The following ADGRF5 variants were observed in gnomAD, a reference collection of about 807,000 sequenced individuals.
ADGRF5 encodes G-protein coupled receptor 116.
A neutral mutation model predicts 132.3 loss-of-function variants in ADGRF5; 75 were observed. The observed-to-expected ratio is 0.57, with a 90% CI of 0.47 to 0.69. The LOEUF (loss-of-function observed/expected upper bound fraction) is 0.69. ADGRF5 is among the 30% of genes least tolerant of loss of function. The probability of loss-of-function intolerance (pLI) is 0.00; values close to 1 mark genes in which losing one functional copy is unlikely to be tolerated. For missense variants in ADGRF5, 1,516 were observed against 1,630.6 expected (o/e 0.93, Z 1.21); for synonymous variants, 629 against 597.6 (o/e 1.05, Z -0.77).
chr6:46,899,758 G>A (rs1392619665), intron 3 of ADGRF5, among the ~76,000 whole-genome samples: 1 of 151,864 alleles, frequency 6.6e-6, no homozygotes, highest in Non-Finnish European at 1.5e-5. Context: ...GAGGGCAGCT[G>A]AGGAGGGAGC....
Position 46,878,372 on chromosome 6 carries a change from A to G in ADGRF5, c.1070T>C (p.Phe357Ser), listed in dbSNP as rs1312628961. 2 of 1,610,942 alleles carry G rather than the reference A, an allele frequency of 1.2e-6. No individual in the cohort carries two copies. Among genetic ancestry groups the G allele is most frequent in the African/African-American group, 1.3e-5 (1 of 74,858 alleles). ...TATTTTCTTCTTGCACTCATATTCA[A>G]AAATGTCTAATATCAGTTTGCAAAC... ...EYVCKLILDIFEYECKKKIDV... is the reference protein window; with the variant it reads ...EYVCKLILDISEYECKKKIDV... The change falls in exon 10 of 21, where the codon TTT (phenylalanine) becomes TCT (serine). Residue 357 changes from phenylalanine to serine, a missense_variant. Coordinates refer to ENST00000283296, the MANE Select transcript of ADGRF5 (RefSeq NM_001098518.2).
chr6:46,865,028 T>TA lies in ADGRF5; in HGVS notation c.1990+13dup. On this transcript the variant is annotated intron_variant, in intron 14 of 20. Transcript: ENST00000283296. ...CTGACTATAACATCTTAAAGTAATTTAAAACGTTCTTACCAGGAACCAGAT... is the reference window on the plus strand; with the variant it reads ...CTGACTATAACATCTTAAAGTAATTTAAAAACGTTCTTACCAGGAACCAGAT... 1 of 1,565,774 alleles carries TA rather than the reference T, an allele frequency of 6.4e-7. No homozygotes were observed. The highest frequency in any genetic ancestry group is 1.2e-5 in the South Asian group (1 of 86,844).
intron 3 of ADGRF5, among the ~76,000 whole-genome samples, chr6:46,892,409 T>G (rs747244431): frequency 6.6e-6 from 1 of 152,124 alleles, no homozygotes; most frequent in Non-Finnish European, 1.5e-5. Flanking sequence ...AATCAAAGAA[T>G]TATGTAAGCC....
intron 1 of ADGRF5, among the ~76,000 whole-genome samples, chr6:46,954,446 A>G (rs78056549): frequency 6.6e-6 from 1 of 152,124 alleles, no homozygotes; most frequent in South Asian, 2.1e-4. Flanking sequence ...AAAAAAAAAA[A>G]AAAACTACTT....
chr6:46,948,457 C>G (rs2113843341), intron 1 of ADGRF5, among the ~76,000 whole-genome samples: 1 of 149,058 alleles, frequency 6.7e-6, no homozygotes, highest in African/African-American at 2.5e-5. Context: ...ATTCAGGTAT[C>G]TGATACTTGC....
At chr6:46,898,502 G>C (rs914535590) in intron 3 of ADGRF5, among the ~76,000 whole-genome samples, 13 of 152,256 alleles carry the variant, frequency 8.5e-5, no homozygotes, top group African/African-American at 3.1e-4. Context: ...GGGAGAAAGG[G>C]AGCATGGGAT....
At position 46,872,145 on chromosome 6, in the gene ADGRF5, G is replaced by A. The variant is rs951139520; in HGVS notation, c.1241-132C>T. ...GATTTCTTCTCTGAATGGAGAAGTTGGGTTTATGGTGATTAGGTCTGCAGA... is the reference window on the plus strand; with the variant it reads ...GATTTCTTCTCTGAATGGAGAAGTTAGGTTTATGGTGATTAGGTCTGCAGA... On this transcript the variant is annotated intron_variant, in intron 10 of 20. Transcript: ENST00000283296. 153 of 632,474 alleles carry A rather than the reference G, an allele frequency of 2.4e-4. No individual in the cohort carries two copies. In the African/African-American group the frequency reaches 2.6e-3, roughly 11 times the overall value. The allele number at this position is 632,474 out of a possible 1,614,324, so 39.2% of individuals were successfully genotyped here.
chr6:46,872,372 C>A (rs886770154), intron 10 of ADGRF5, among the ~76,000 whole-genome samples: 1 of 152,100 alleles, frequency 6.6e-6, no homozygotes, highest in African/African-American at 2.4e-5. Context: ...CTGACTGGGG[C>A]CTTCCCCAAC....
Position 46,884,248 on chromosome 6 carries a change from T to C in ADGRF5, c.352A>G (p.Ile118Val). 4 of 1,613,816 alleles carry C rather than the reference T, an allele frequency of 2.5e-6. No individual in the cohort carries two copies. Among genetic ancestry groups the C allele is most frequent in the Non-Finnish European group, 3.4e-6 (4 of 1,179,742 alleles). ...TTVCRPAGNE[I>V]WCSCETGYGW... ...TAACCTGTCTCGCAGGAGCACCAGA[T>C]TTCATTTCCAGCAGGTCTGCAGACT... is the stretch of plus-strand genomic sequence containing the variant. Residue 118 changes from isoleucine (I) to valine (V), a missense_variant, in exon 5 of 21, where the codon ATC becomes GTC. Coordinates refer to ENST00000283296, the MANE Select transcript of ADGRF5 (RefSeq NM_001098518.2).
intron 2 of ADGRF5, among the ~76,000 whole-genome samples, chr6:46,900,473 T>TG (rs1774638697): frequency 1.3e-5 from 2 of 152,168 alleles, no homozygotes; most frequent in African/African-American, 4.8e-5. Flanking sequence ...TCTCACGACC[T>TG]CCTTCTCAAC....
chr6:46,889,016 C>T (rs779627303), intron 3 of ADGRF5, among the ~76,000 whole-genome samples: 19 of 151,866 alleles, frequency 1.3e-4, no homozygotes, highest in Admixed American at 2.6e-4. Context: ...AGGTGCTCAA[C>T]AAAAGTTTGG....
chr6:46,892,707 G>A (rs745623466), intron 3 of ADGRF5, among the ~76,000 whole-genome samples: 12 of 152,050 alleles, frequency 7.9e-5, no homozygotes, highest in Admixed American at 5.2e-4. Flanking sequence ...CCGAGATTGC[G>A]CCACTGCACT....
At chr6:46,934,998 C>A (rs866848209) in intron 1 of ADGRF5, among the ~76,000 whole-genome samples, 1 of 86,690 alleles carries the variant, frequency 1.2e-5, no homozygotes, top group Non-Finnish European at 2.1e-5. Flanking sequence ...GGTGATAGTT[C>A]TTTTTTTTTT....
chr6:46,907,373 A>AT (rs566175342), intron 1 of ADGRF5, among the ~76,000 whole-genome samples: 32 of 151,538 alleles, frequency 2.1e-4, no homozygotes, highest in African/African-American at 5.3e-4. Flanking sequence ...TTATTTATTT[A>AT]TTTTTTTTAT....
chr6:46,912,754 T>A (rs1399982488), intron 1 of ADGRF5, among the ~76,000 whole-genome samples: 1 of 152,150 alleles, frequency 6.6e-6, no homozygotes, highest in Non-Finnish European at 1.5e-5. Flanking sequence ...AGATAAGCTA[T>A]AAGTCTGCCT....
At position 46,863,872 on chromosome 6, in the gene ADGRF5, G is replaced by A. The variant is rs972046621; in HGVS notation, c.1991-776C>T. On this transcript the variant is annotated intron_variant, in intron 14 of 20. Coordinates refer to ENST00000283296, the MANE Select transcript of ADGRF5 (RefSeq NM_001098518.2). ...ATAAAATGTGTTGGCTAAGATGAGT[G>A]ATGGGGAAAAGAAGAGGTGACCTTT... 2.0e-5 allele frequency among the ~76,000 whole-genome samples: 3 copies of A among 152,254 alleles called. No homozygotes were observed. The East Asian group carries it at 5.8e-4, about 29-fold the overall frequency.
intron 3 of ADGRF5, among the ~76,000 whole-genome samples, chr6:46,890,372 C>T (rs920531941): frequency 6.6e-6 from 1 of 151,722 alleles, no homozygotes; most frequent in Non-Finnish European, 1.5e-5. Flanking sequence ...AGATTATAGT[C>T]ATGAGCTGCT....
At chr6:46,933,289 A>T (rs1379950397) in intron 1 of ADGRF5, among the ~76,000 whole-genome samples, 1 of 152,186 alleles carries the variant, frequency 6.6e-6, no homozygotes, top group Admixed American at 6.5e-5. Context: ...TACAAGGATA[A>T]ATAATTTCCA....
At chr6:46,870,398 C>T (rs1375439954) in intron 11 of ADGRF5, among the ~76,000 whole-genome samples, 1 of 152,096 alleles carries the variant, frequency 6.6e-6, no homozygotes, top group East Asian at 1.9e-4. Flanking sequence ...AGCCTTAAGC[C>T]ATCTGCTCAC....
Sources: allele counts gnomAD v4.1 joint callset (sites outside exome capture counted in the v4.1 genomes callset), GRCh38; gene constraint gnomAD v4.1.1; transcripts MANE v1.5; gene names NCBI Gene and HGNC (gene_info 2026-07-23, HGNC 2026-07-21).